MALRD1: variants seen among roughly 807,000 people sequenced by gnomAD.
The protein encoded by MALRD1 is MAM and LDL-receptor class A domain-containing protein 1.
In MALRD1, 247 loss-of-function variants were observed where a neutral mutation model predicts 242.1. The observed-to-expected ratio is 1.02, with a 90% CI of 0.92 to 1.13. MALRD1 has a LOEUF of 1.13. MALRD1 is among the 50% of genes most tolerant of loss of function. The probability of loss-of-function intolerance (pLI) is 0.00; values close to 1 mark genes in which losing one functional copy is unlikely to be tolerated. For synonymous variants in MALRD1, 995 were observed against 866.6 expected, an observed-to-expected ratio of 1.15 and a Z score of -2.60; for missense variants, 2,989 against 2,533.1, an observed-to-expected ratio of 1.18 and a Z score of -3.86.
At chr10:19,452,096 A>G (rs1204453459) in intron 29 of MALRD1, among the ~76,000 whole-genome samples, 1 of 152,226 alleles carries the variant, frequency 6.6e-6, no homozygotes, top group East Asian at 1.9e-4. Flanking sequence ...AACTCAATCT[A>G]GAAATGATTC....
intron 38 of MALRD1, among the ~76,000 whole-genome samples, chr10:19,718,056 AGAG>A (rs1360370427): frequency 6.6e-6 from 1 of 150,682 alleles, no homozygotes; most frequent in Non-Finnish European, 1.5e-5. Flanking sequence ...AGGAAGAAGA[AGAG>A]GAAGAAGAAG....
At chr10:19,275,458 G>A (rs1316591592) in intron 19 of MALRD1, among the ~76,000 whole-genome samples, 2 of 152,128 alleles carry the variant, frequency 1.3e-5, no homozygotes, top group South Asian at 2.1e-4. Flanking sequence ...CACGAGGTCA[G>A]GAGATCAAGA....
intron 29 of MALRD1, among the ~76,000 whole-genome samples, chr10:19,489,676 C>T (rs1024421321): frequency 1.3e-5 from 2 of 152,124 alleles, no homozygotes; most frequent in African/African-American, 4.8e-5. Context: ...TGGTTGTCAG[C>T]TTAACATTGC....
At chr10:19,314,746 A>C (rs879830021) in intron 21 of MALRD1, among the ~76,000 whole-genome samples, 5 of 151,490 alleles carry the variant, frequency 3.3e-5, no homozygotes, top group African/African-American at 1.2e-4. Context: ...GCAAAGGTAG[A>C]GTTGAATAGT....
In MALRD1 at chr10:19,257,746, A is replaced by G; in HGVS notation, c.3054A>G (p.Ser1018=). ...FTGDIAIDDL[S]FMDCTLYPGN... is the part of the protein sequence containing the mutation. ...GAGATATTGCGATTGATGATCTGTCATTTATGGACTGCACCCTCTACCCTG... is the reference window on the plus strand; with the variant it reads ...GAGATATTGCGATTGATGATCTGTCGTTTATGGACTGCACCCTCTACCCTG... The change falls in exon 19 of 40, where the codon TCA becomes TCG. Residue 1018 remains serine (S), a synonymous_variant. Coordinates refer to ENST00000454679, the MANE Select transcript of MALRD1 (RefSeq NM_001142308.3). 1 of 1,540,644 alleles carries G rather than the reference A, an allele frequency of 6.5e-7. No homozygotes were observed. The highest frequency in any genetic ancestry group is 8.8e-7 in the Non-Finnish European group (1 of 1,141,130).
At chr10:19,729,670 G>A (rs956649619) in intron 38 of MALRD1, among the ~76,000 whole-genome samples, 2 of 136,246 alleles carry the variant, frequency 1.5e-5, no homozygotes, top group African/African-American at 5.5e-5. Flanking sequence ...TTCTTCATCA[G>A]TTGTCACCAA....
At chr10:19,229,698 T>C (rs936973548) in intron 18 of MALRD1, among the ~76,000 whole-genome samples, 2 of 152,152 alleles carry the variant, frequency 1.3e-5, no homozygotes, top group African/African-American at 2.4e-5. Flanking sequence ...AAACAAACTA[T>C]AACAACAACA....
chr10:19,678,419 C>T (rs1369059819), intron 36 of MALRD1, among the ~76,000 whole-genome samples: 2 of 152,042 alleles, frequency 1.3e-5, no homozygotes, highest in Admixed American at 1.3e-4. Context: ...GTATTGTATT[C>T]TCTTTGTAGC....
At chr10:19,570,299 A>G (rs1352784641) in intron 33 of MALRD1, among the ~76,000 whole-genome samples, 1 of 152,100 alleles carries the variant, frequency 6.6e-6, no homozygotes, top group Non-Finnish European at 1.5e-5. Flanking sequence ...AGACTGGGGT[A>G]TACAGATATC....
intron 32 of MALRD1, among the ~76,000 whole-genome samples, chr10:19,559,441 C>T (rs906905981): frequency 5.9e-5 from 9 of 152,042 alleles, no homozygotes; most frequent in Admixed American, 5.2e-4. Context: ...CACTGCTTCA[C>T]TTCATCCCAT....
chr10:19,523,992 T>C (rs1833987258), intron 31 of MALRD1, among the ~76,000 whole-genome samples: 1 of 152,170 alleles, frequency 6.6e-6, no homozygotes. Context: ...ATTTATGACA[T>C]TTAAAAGAAA....
At position 19,094,300 on chromosome 10, in the gene MALRD1, C is replaced by A. The variant is rs572602667; in HGVS notation, c.597+6115C>A. ...TGTGGGATATAGTCTCGTGGTGCGC[C>A]GTTTTTTAAGCCGATCTGAAAAGCG... On this transcript the variant is annotated intron_variant, in intron 4 of 39. Coordinates refer to ENST00000454679, the MANE Select transcript of MALRD1 (RefSeq NM_001142308.3). Among the ~76,000 whole-genome samples, 126 of 101,590 alleles carry A rather than the reference C, an allele frequency of 1.2e-3. 25 individuals carry two copies. The highest frequency in any genetic ancestry group is 4.8e-3 in the Middle Eastern group (1 of 210). 66.6% of individuals were successfully genotyped at this position (101,590 alleles called of 152,430 possible). A position where few individuals can be genotyped will look rare whatever the true frequency, so the allele number is the denominator to read the frequency against.
intron 26 of MALRD1, among the ~76,000 whole-genome samples, chr10:19,369,014 A>G (rs375444114): frequency 9.4e-5 from 14 of 148,422 alleles, no homozygotes; most frequent in Non-Finnish European, 1.5e-4. Context: ...CTGTAACTCA[A>G]TGTTAAACAG....
chr10:19,513,149 A>G (rs1833477529), intron 31 of MALRD1, among the ~76,000 whole-genome samples: 1 of 152,094 alleles, frequency 6.6e-6, no homozygotes, highest in Non-Finnish European at 1.5e-5. Context: ...CCAGTGTTGG[A>G]GATGGGACCT....
In MALRD1 at chr10:19,315,269, A is replaced by T. The variant is rs1185112707; in HGVS notation, c.3420-8680A>T. On this transcript the variant is annotated intron_variant, in intron 21 of 39. Coordinates refer to ENST00000454679, the MANE Select transcript of MALRD1 (RefSeq NM_001142308.3). ...TAATTTATATAAATATATAAATATA[A>T]TTTATAGAAATATAATTTATATAAA... is the stretch of plus-strand genomic sequence containing the variant. Among the ~76,000 whole-genome samples, 136 of 22,330 alleles carry T rather than the reference A, an allele frequency of 6.1e-3. 3 individuals are homozygous for T. The highest frequency in any genetic ancestry group is 0.016 in the South Asian group (5 of 320). 14.6% of individuals were successfully genotyped at this position (22,330 alleles called of 152,430 possible).
At chr10:19,564,251 A>T (rs1836156828) in intron 32 of MALRD1, among the ~76,000 whole-genome samples, 1 of 152,200 alleles carries the variant, frequency 6.6e-6, no homozygotes. Context: ...TTCATTAAAA[A>T]TAAATGCTGA....
Position 19,730,800 on chromosome 10 carries a change from C to T in MALRD1, c.6390+19C>T, listed in dbSNP as rs1835261858. On this transcript the variant is annotated intron_variant, in intron 39 of 39. Transcript: ENST00000454679. ...AACAGAGGTAAGTGGCAAGGGTGAA[C>T]TATATCTTTTCACACATATGCACAC... 1.1e-5 allele frequency: 17 copies of T among 1,533,254 alleles called. No individual in the cohort carries two copies. The highest frequency in any genetic ancestry group is 1.5e-5 in the Non-Finnish European group (17 of 1,144,106). The allele number at this position is 1,533,254 out of a possible 1,614,324, so 95.0% of individuals were successfully genotyped here. A position where few individuals can be genotyped will look rare whatever the true frequency, so the allele number is the denominator to read the frequency against.
intron 29 of MALRD1, among the ~76,000 whole-genome samples, chr10:19,459,324 C>G (rs575921716): frequency 6.6e-6 from 1 of 152,104 alleles, no homozygotes; most frequent in Non-Finnish European, 1.5e-5. Context: ...AAATTCTTAA[C>G]GAAGAGGTGG....
rs1554793525 is a variant in MALRD1, at chr10:19,530,448, A to AATAAATATATAATATG, written c.5321-746_5321-745insATAAATATATAATATG. On this transcript the variant is annotated intron_variant, in intron 31 of 39. Transcript: ENST00000454679. ...ATATATAATATATATAATATATAAT[A>AATAAATATATAATATG]TATAATATATAATAATAAATAATTA... Among the ~76,000 whole-genome samples, 10 of 100,164 alleles carry AATAAATATATAATATG rather than the reference A, an allele frequency of 1.0e-4. No homozygotes were observed. In the East Asian group the frequency reaches 1.3e-3, roughly 13 times the overall value. 65.7% of individuals were successfully genotyped at this position (100,164 alleles called of 152,430 possible).
Sources: allele counts gnomAD v4.1 joint callset (sites outside exome capture counted in the v4.1 genomes callset), GRCh38; gene constraint gnomAD v4.1.1; transcripts MANE v1.5; gene names NCBI Gene and HGNC (gene_info 2026-07-23, HGNC 2026-07-21).